Variants in DPP6 observed in about 807,000 individuals in gnomAD.
The protein encoded by DPP6 is A-type potassium channel modulatory protein DPP6.
DPP6 carries 69 observed loss-of-function variants against 122.6 expected under a neutral mutation model. That is an observed-to-expected ratio of 0.56 (90% confidence interval 0.46 to 0.69). DPP6 has a LOEUF of 0.69. Ranked by LOEUF, DPP6 falls within the 30% of genes least tolerant of loss-of-function variation. The pLI is 0.00. For synonymous variants in DPP6, 418 were observed against 433.1 expected, an observed-to-expected ratio of 0.97 and a Z score of 0.43; for missense variants, 928 against 1,116.9, an observed-to-expected ratio of 0.83 and a Z score of 2.41.
At chr7:154,006,304 G>A (rs1797910784) in intron 1 of DPP6, among the ~76,000 whole-genome samples, 1 of 151,884 alleles carries the variant, frequency 6.6e-6, no homozygotes, top group South Asian at 2.1e-4. Flanking sequence ...TTTTTATTAT[G>A]TCTAGGGAGG....
At chr7:154,177,505 T>C (rs1490812609) in intron 1 of DPP6, among the ~76,000 whole-genome samples, 1 of 152,186 alleles carries the variant, frequency 6.6e-6, no homozygotes, top group Non-Finnish European at 1.5e-5. Context: ...GAGTGACCAC[T>C]GTTGGTCACC....
intron 1 of DPP6, among the ~76,000 whole-genome samples, chr7:154,328,379 G>C (rs930294865): frequency 2.0e-5 from 3 of 152,178 alleles, no homozygotes; most frequent in Non-Finnish European, 4.4e-5. Flanking sequence ...CGACGGGCCT[G>C]GAAGGGATTC....
At chr7:154,837,174 T>C (rs905373240) in intron 16 of DPP6, among the ~76,000 whole-genome samples, 1 of 141,422 alleles carries the variant, frequency 7.1e-6, no homozygotes, top group Non-Finnish European at 1.5e-5. Flanking sequence ...AACACATGCA[T>C]ACACAGATGC....
intron 5 of DPP6, among the ~76,000 whole-genome samples, chr7:154,596,635 AG>A (rs1300275585): frequency 2.6e-5 from 4 of 152,130 alleles, no homozygotes; most frequent in Admixed American, 1.3e-4. Flanking sequence ...TTTAAGTAGG[AG>A]GGAGGACTCG....
chr7:153,775,356 A>G, the DPP6 span, among the ~76,000 whole-genome samples: 2 of 147,432 alleles, frequency 1.4e-5, no homozygotes, highest in Non-Finnish European at 3.0e-5. Flanking sequence ...TCCACTCGTG[A>G]TAGACAATTC....
chr7:154,795,172 C>A (rs1370738159), intron 11 of DPP6, among the ~76,000 whole-genome samples: 2 of 152,172 alleles, frequency 1.3e-5, no homozygotes, highest in Non-Finnish European at 2.9e-5. Flanking sequence ...TGCCCCTGAG[C>A]CTTGAGTGTC....
chr7:153,899,799 C>G (rs1799565039), intron 1 of DPP6, among the ~76,000 whole-genome samples: 1 of 152,190 alleles, frequency 6.6e-6, no homozygotes, highest in Admixed American at 6.5e-5. Flanking sequence ...TGTGCACAGG[C>G]AGGTGCAGGT....
the DPP6 span, among the ~76,000 whole-genome samples, chr7:153,760,301 A>C: frequency 6.6e-6 from 1 of 152,158 alleles, no homozygotes; most frequent in African/African-American, 2.4e-5. Context: ...CATTTTGCAC[A>C]TATGGAATTC....
rs184372818 is a variant in DPP6, at chr7:154,755,592, G to A, written c.884-13825G>A. 4.6e-5 allele frequency among the ~76,000 whole-genome samples: 7 copies of A among 152,260 alleles called. No homozygotes were observed. In the East Asian group the frequency reaches 5.8e-4, roughly 13 times the overall value. On this transcript the variant is annotated intron_variant, in intron 8 of 25. Coordinates refer to ENST00000377770, the MANE Select transcript of DPP6 (RefSeq NM_130797.4). The surrounding 1 kb of genome is among the most constrained non-coding windows in gnomAD (Gnocchi z 4.7). ...TCTACGCAGTTAGAGCCGGCTTGGCGTGTGCTGGGTGCTCACCGACTGCTG... is the reference window on the plus strand; with the variant it reads ...TCTACGCAGTTAGAGCCGGCTTGGCATGTGCTGGGTGCTCACCGACTGCTG...
intron 1 of DPP6, among the ~76,000 whole-genome samples, chr7:154,273,826 AG>A (rs1803955400): frequency 6.6e-6 from 1 of 152,280 alleles, no homozygotes; most frequent in Non-Finnish European, 1.5e-5. Context: ...ACCAACAATT[AG>A]GAGAAAAATT....
chr7:154,163,085 C>A (rs1212253371), intron 1 of DPP6, among the ~76,000 whole-genome samples: 1 of 152,072 alleles, frequency 6.6e-6, no homozygotes, highest in Non-Finnish European at 1.5e-5. Flanking sequence ...GAACTCTATA[C>A]CTGGAGTCTG....
chr7:154,192,360 C>G (rs1430881309), intron 1 of DPP6, among the ~76,000 whole-genome samples: 1 of 152,264 alleles, frequency 6.6e-6, no homozygotes, highest in African/African-American at 2.4e-5. Context: ...GTGATCCCTA[C>G]TACAATTAGC....
At chr7:154,244,084 A>C (rs1252726871) in intron 1 of DPP6, among the ~76,000 whole-genome samples, 1 of 152,064 alleles carries the variant, frequency 6.6e-6, no homozygotes, top group Non-Finnish European at 1.5e-5. Flanking sequence ...AACAAAGAGA[A>C]CCACTCCTAT....
intron 1 of DPP6, among the ~76,000 whole-genome samples, chr7:153,933,425 A>G (rs12533668): frequency 0.3 from 45,669 of 152,056 alleles, 7,743 homozygotes; most frequent in East Asian, 0.6. Flanking sequence ...GTCTATGTTT[A>G]TTTATAATAA....
chr7:153,825,551 C>CTTTGG, the DPP6 span, among the ~76,000 whole-genome samples: 3 of 151,124 alleles, frequency 2.0e-5, no homozygotes, highest in Admixed American at 2.0e-4. Context: ...CCATTTTTTT[C>CTTTGG]TTTTGTTTTG....
intron 1 of DPP6, among the ~76,000 whole-genome samples, chr7:153,888,484 C>A (rs1384844190): frequency 6.6e-6 from 1 of 152,186 alleles, no homozygotes; most frequent in Non-Finnish European, 1.5e-5. Flanking sequence ...CGCCGCTCCC[C>A]GCTGACCCGC....
chr7:154,099,064 C>T (rs1178437213), intron 1 of DPP6, among the ~76,000 whole-genome samples: 5 of 151,922 alleles, frequency 3.3e-5, no homozygotes, highest in African/African-American at 7.3e-5. Flanking sequence ...GGAAGATAGG[C>T]ACATATTTTG....
intron 1 of DPP6, among the ~76,000 whole-genome samples, chr7:153,891,146 C>G (rs951255626): frequency 1.3e-5 from 2 of 151,070 alleles, no homozygotes; most frequent in African/African-American, 2.4e-5. Flanking sequence ...CTCAGCCTCC[C>G]CAGTAGCTAG....
intron 16 of DPP6, among the ~76,000 whole-genome samples, chr7:154,816,412 A>C (rs565344560): frequency 6.6e-6 from 1 of 152,210 alleles, no homozygotes; most frequent in Non-Finnish European, 1.5e-5. Flanking sequence ...ATGTAGGCAC[A>C]GAAAAAACAT....
Sources: allele counts gnomAD v4.1 joint callset (sites outside exome capture counted in the v4.1 genomes callset), GRCh38; gene constraint gnomAD v4.1.1; non-coding constraint Gnocchi (gnomAD v3.1); transcripts MANE v1.5; gene names NCBI Gene and HGNC (gene_info 2026-07-23, HGNC 2026-07-21).